AR: variants seen among roughly 807,000 people sequenced by gnomAD.
The protein encoded by AR is androgen receptor.
Under a neutral mutation model 53.9 loss-of-function variants are expected in AR, and 8 were observed. That is an observed-to-expected ratio of 0.15 (90% CI 0.09 to 0.27). The LOEUF (loss-of-function observed/expected upper bound fraction) is 0.27, where lower values mean the gene tolerates loss of function less well. AR is among the 10% of genes least tolerant of loss of function. AR has a pLI of 1.00. For synonymous variants in AR, 359 were observed against 316.4 expected (o/e 1.13, Z -1.43); for missense variants, 639 against 742.5 (o/e 0.86, Z 1.62).
At chrX:67,563,580 A>G (rs1317528873) in intron 1 of AR, among the ~76,000 whole-genome samples, 1 of 111,933 alleles carries the variant, frequency 8.9e-6, no homozygotes, top group Non-Finnish European at 1.9e-5. Context: ...TCCCCAGGCC[A>G]CTGCTGCCTG....
chrX:67,691,590 T>C (rs1265991489), intron 3 of AR, among the ~76,000 whole-genome samples: 1 of 111,622 alleles, frequency 9.0e-6, no homozygotes, highest in Non-Finnish European at 1.9e-5. Flanking sequence ...ACAAAACCAC[T>C]GTTCTCTGGA....
At chrX:67,661,794 G>C (rs754862928) in intron 2 of AR, among the ~76,000 whole-genome samples, 1 of 111,511 alleles carries the variant, frequency 9.0e-6, no homozygotes, top group East Asian at 2.8e-4. Flanking sequence ...ACCTCTGGTA[G>C]GATTCAGCTG....
chrX:67,607,255 C>T (rs1454392740), intron 1 of AR, among the ~76,000 whole-genome samples: 2 of 110,848 alleles, frequency 1.8e-5, no homozygotes, highest in Non-Finnish European at 3.8e-5. Context: ...CTTGAACTCC[C>T]GACCTCAGAT....
intron 2 of AR, among the ~76,000 whole-genome samples, chrX:67,657,155 T>A (rs745487691): frequency 3.5e-4 from 39 of 111,400 alleles, no homozygotes; most frequent in Non-Finnish European, 5.8e-4. Context: ...TTATTTCATT[T>A]TTTATTCCAT....
chrX:67,650,436 G>C (rs1227309795), intron 2 of AR, among the ~76,000 whole-genome samples: 2 of 111,980 alleles, frequency 1.8e-5, no homozygotes, highest in Non-Finnish European at 1.9e-5. Flanking sequence ...CATTTTTGCA[G>C]TTGGCTGCTG....
chrX:67,609,945 G>A (rs1923803232), intron 1 of AR, among the ~76,000 whole-genome samples: 1 of 111,370 alleles, frequency 9.0e-6, no homozygotes, highest in African/African-American at 3.3e-5. Context: ...CTTAACTCTT[G>A]GAAAATACAG....
At chrX:67,697,694 C>T (rs1346413093) in intron 3 of AR, among the ~76,000 whole-genome samples, 5 of 111,335 alleles carry the variant, frequency 4.5e-5, no homozygotes, top group African/African-American at 1.3e-4. Flanking sequence ...TAAAAATAGT[C>T]CTATGCAGTA....
intron 5 of AR, 77 bp from the exon 6 acceptor site, chrX:67,721,756 G>C (rs2076136732): frequency 3.0e-5 from 35 of 1,173,422 alleles, no homozygotes; most frequent in Non-Finnish European, 3.9e-5. Flanking sequence ...GGCGAGGGAT[G>C]GCAATCAGAG....
At chrX:67,602,062 T>C (rs1182638255) in intron 1 of AR, among the ~76,000 whole-genome samples, 3 of 112,138 alleles carry the variant, frequency 2.7e-5, no homozygotes, top group African/African-American at 9.7e-5. Flanking sequence ...TGACAATTAA[T>C]TAAGTTGGAG....
chrX:67,589,904 A>T (rs1383999120), intron 1 of AR, among the ~76,000 whole-genome samples: 1 of 111,713 alleles, frequency 9.0e-6, no homozygotes, highest in East Asian at 2.8e-4. Context: ...ATCCCAATAG[A>T]GAAGCGTGGA....
chrX:67,590,548 T>A, intron 1 of AR, among the ~76,000 whole-genome samples: 1 of 112,142 alleles, frequency 8.9e-6, no homozygotes, highest in Non-Finnish European at 1.9e-5. Flanking sequence ...AAAAGGCATT[T>A]GTAAATGGTA....
chrX:67,638,845 T>C (rs1326168509), intron 1 of AR, among the ~76,000 whole-genome samples: 1 of 112,342 alleles, frequency 8.9e-6, no homozygotes, highest in African/African-American at 3.2e-5. Context: ...ATCACATTTG[T>C]CAATCTTGGC....
chrX:67,629,148 T>A (rs1316268037), intron 1 of AR, among the ~76,000 whole-genome samples: 1 of 111,016 alleles, frequency 9.0e-6, no homozygotes, highest in African/African-American at 3.3e-5. Context: ...GATGCTGGCC[T>A]CATAAAATGA....
At chrX:67,665,414 C>T (rs1927213547) in intron 2 of AR, among the ~76,000 whole-genome samples, 1 of 112,271 alleles carries the variant, frequency 8.9e-6, no homozygotes, top group Non-Finnish European at 1.9e-5. Context: ...GGAGAACAAA[C>T]TAGAAATCCA....
chrX:67,682,950 A>T (rs112246840), intron 2 of AR, among the ~76,000 whole-genome samples: 5,939 of 112,143 alleles, frequency 0.053, 148 homozygotes, highest in Middle Eastern at 0.084. Context: ...TGTCATTTCA[A>T]ACATTAAATT....
intron 2 of AR, among the ~76,000 whole-genome samples, chrX:67,675,084 A>C (rs959981006): frequency 9.1e-6 from 1 of 110,278 alleles, no homozygotes; most frequent in African/African-American, 3.3e-5. Flanking sequence ...ATCTAGAAAT[A>C]TCATTTGGGA....
chrX:67,711,402 C>T lies in AR; in HGVS notation c.1886C>T (p.Ala629Val), dbSNP rs1249267413. Residue 629 changes from alanine to valine, a missense_variant and splice_region_variant, in exon 4 of 8, where the codon GCC (alanine) becomes GTC (valine). Transcript: ENST00000374690. The part of the protein sequence containing the change: ...KCYEAGMTLG[A>V]RKLKKLGNLK... The stretch of plus-strand genomic sequence containing the variant: ...TCAAGTCTCTCTTCCTTCCCAATAG[C>T]CCGGAAGCTGAAGAAACTTGGTAAT... The T allele has an allele frequency of 8.4e-7, 1 of 1,186,720 alleles. No individual in the cohort carries two copies. The highest frequency in any genetic ancestry group is 1.8e-5 in the African/African-American group (1 of 57,110).
intron 1 of AR, among the ~76,000 whole-genome samples, chrX:67,628,907 G>A (rs1172226553): frequency 2.7e-5 from 3 of 111,365 alleles, no homozygotes; most frequent in African/African-American, 9.8e-5. Context: ...TGTGGTTTTT[G>A]TCTTTGGTTC....
chrX:67,716,050 G>A (rs1456618811), intron 4 of AR, among the ~76,000 whole-genome samples: 2 of 111,701 alleles, frequency 1.8e-5, no homozygotes, highest in African/African-American at 6.5e-5. Context: ...GAGGTAATTT[G>A]GAGATCATTT....
Sources: allele counts gnomAD v4.1 joint callset (sites outside exome capture counted in the v4.1 genomes callset), GRCh38; gene constraint gnomAD v4.1.1; transcripts MANE v1.5; gene names NCBI Gene and HGNC (gene_info 2026-07-23, HGNC 2026-07-21).